The following PITPNC1 variants were observed in gnomAD, a reference collection of about 807,000 sequenced individuals.
The protein encoded by PITPNC1 is cytoplasmic phosphatidylinositol transfer protein 1.
Under a neutral mutation model 44.7 loss-of-function variants are expected in PITPNC1, and 18 were observed. The observed-to-expected ratio is 0.40, with a 90% CI of 0.28 to 0.60. The LOEUF is 0.60. PITPNC1 is among the 20% of genes least tolerant of loss of function. The probability of loss-of-function intolerance (pLI) is 0.39; values close to 1 mark genes in which losing one functional copy is unlikely to be tolerated. For missense variants in PITPNC1, 290 were observed against 418.4 expected (o/e 0.69, Z 2.68); for synonymous variants, 141 against 149.6 (o/e 0.94, Z 0.42).
chr17:67,425,157 G>C (rs2038728879), intron 1 of PITPNC1, among the ~76,000 whole-genome samples: 1 of 147,936 alleles, frequency 6.8e-6, no homozygotes, highest in Non-Finnish European at 1.5e-5. Context: ...CAGCCCGCCT[G>C]CACCCAGGTG....
At chr17:67,569,924 G>C (rs749932877) in intron 4 of PITPNC1, among the ~76,000 whole-genome samples, 12 of 152,318 alleles carry the variant, frequency 7.9e-5, no homozygotes, top group Middle Eastern at 3.4e-3. Flanking sequence ...GATTTTTCAT[G>C]AGAAAGAGGA....
At chr17:67,501,833 CAA>C (rs758538682) in intron 1 of PITPNC1, among the ~76,000 whole-genome samples, 9 of 135,146 alleles carry the variant, frequency 6.7e-5, no homozygotes, top group Non-Finnish European at 8.1e-5. Context: ...AACTCTGTCT[CAA>C]AAAAAAAAAA....
chr17:67,407,948 A>C (rs966710753), intron 1 of PITPNC1, among the ~76,000 whole-genome samples: 1 of 152,104 alleles, frequency 6.6e-6, no homozygotes, highest in South Asian at 2.1e-4. Flanking sequence ...CAAAAGGATC[A>C]TAAGTTTTAT....
intron 5 of PITPNC1, among the ~76,000 whole-genome samples, chr17:67,588,256 G>A (rs534736099): frequency 4.7e-4 from 71 of 152,156 alleles, no homozygotes; most frequent in African/African-American, 1.5e-3. Flanking sequence ...TGCCCACCTC[G>A]GCCTCCCAAA....
At chr17:67,450,889 C>G (rs533147994) in intron 1 of PITPNC1, among the ~76,000 whole-genome samples, 27 of 152,146 alleles carry the variant, frequency 1.8e-4, no homozygotes, top group Non-Finnish European at 3.4e-4. Context: ...CTCTGGTAAC[C>G]TTTATCCTAT....
intron 1 of PITPNC1, among the ~76,000 whole-genome samples, chr17:67,494,598 A>G (rs1022004580): frequency 3.3e-5 from 5 of 152,156 alleles, no homozygotes; most frequent in African/African-American, 1.2e-4. Context: ...GGTGGCCAGC[A>G]CATTCGGAGA....
chr17:67,564,637 G>A (rs368258766), intron 4 of PITPNC1, among the ~76,000 whole-genome samples: 17 of 152,202 alleles, frequency 1.1e-4, no homozygotes, highest in African/African-American at 1.7e-4. Context: ...TCAAGTTGAC[G>A]CCTAAAATTA....
At chr17:67,545,707 G>C (rs1337372757) in intron 2 of PITPNC1, among the ~76,000 whole-genome samples, 3 of 152,118 alleles carry the variant, frequency 2.0e-5, no homozygotes, top group Non-Finnish European at 4.4e-5. Flanking sequence ...AGCTGGTCAA[G>C]TTACTTGACT....
intron 4 of PITPNC1, among the ~76,000 whole-genome samples, chr17:67,574,267 T>C (rs1456735596): frequency 6.6e-6 from 1 of 152,216 alleles, no homozygotes; most frequent in Non-Finnish European, 1.5e-5. Context: ...GTCAGCTGGC[T>C]CTGATGTCTC....
rs188502323 is a variant in PITPNC1 at position 67,575,123 on chromosome 17, C to T, written c.295-3063C>T. 8.6e-5 allele frequency among the ~76,000 whole-genome samples: 13 copies of T among 152,018 alleles called. No homozygotes were observed. In the Middle Eastern group the frequency reaches 0.01, roughly 119 times the overall value. On this transcript the variant is annotated intron_variant, in intron 4 of 8. Coordinates refer to ENST00000581322, the MANE Select transcript of PITPNC1 (RefSeq NM_012417.4). ...CGAGACCCACACCCACGCTCCACAA[C>T]TCTGTACTCTCCCCACTCCTTGGTT...
intron 2 of PITPNC1, among the ~76,000 whole-genome samples, chr17:67,537,004 T>G (rs1258074806): frequency 6.6e-6 from 1 of 152,202 alleles, no homozygotes; most frequent in Non-Finnish European, 1.5e-5. Context: ...AAGACACTTA[T>G]AGGCCAATCT....
intron 1 of PITPNC1, among the ~76,000 whole-genome samples, chr17:67,424,892 C>A (rs1296088423): frequency 6.6e-6 from 1 of 151,928 alleles, no homozygotes; most frequent in Non-Finnish European, 1.5e-5. Context: ...TGAAGATCCA[C>A]AAAAGAAGTG....
Position 67,653,020 on chromosome 17 carries a change from G to A in PITPNC1, c.463-16488G>A, listed in dbSNP as rs115378775. On this transcript the variant is annotated intron_variant, in intron 6 of 8. Transcript: ENST00000581322. Reference sequence around the variant, plus strand: ...TTTGGAGCTGAGTGCAGTGGCTCACGCCTATGGTCCCAGCACTTTGGGAGG... The same window carrying A: ...TTTGGAGCTGAGTGCAGTGGCTCACACCTATGGTCCCAGCACTTTGGGAGG... Among the ~76,000 whole-genome samples, 420 of 152,310 alleles carry A rather than the reference G, an allele frequency of 2.8e-3. 2 individuals are homozygous for A. The highest frequency in any genetic ancestry group is 9.6e-3 in the African/African-American group (397 of 41,566).
At chr17:67,507,717 C>G (rs896407561) in intron 1 of PITPNC1, among the ~76,000 whole-genome samples, 2 of 142,888 alleles carry the variant, frequency 1.4e-5, no homozygotes, top group Admixed American at 1.4e-4. Flanking sequence ...AAGAGTAGAA[C>G]TGTGTTATTG....
At chr17:67,405,574 C>T (rs552278679) in intron 1 of PITPNC1, among the ~76,000 whole-genome samples, 4 of 151,896 alleles carry the variant, frequency 2.6e-5, no homozygotes, top group South Asian at 4.2e-4. Context: ...TAGAATGTTA[C>T]GAGTTTACTC....
intron 1 of PITPNC1, among the ~76,000 whole-genome samples, chr17:67,495,664 T>G (rs1470005534): frequency 1.3e-5 from 2 of 152,224 alleles, no homozygotes; most frequent in Non-Finnish European, 2.9e-5. Context: ...ATTAGTTTGC[T>G]AAGGATAATG....
intron 2 of PITPNC1, among the ~76,000 whole-genome samples, chr17:67,536,494 C>T (rs761466288): frequency 4.6e-5 from 7 of 151,942 alleles, no homozygotes; most frequent in Non-Finnish European, 8.8e-5. Flanking sequence ...CCCAAAGTGC[C>T]GGGATTACAG....
At chr17:67,598,651 A>G (rs2041491365) in intron 5 of PITPNC1, among the ~76,000 whole-genome samples, 1 of 152,138 alleles carries the variant, frequency 6.6e-6, no homozygotes, top group Admixed American at 6.6e-5. Flanking sequence ...GCACTTTGGG[A>G]GGCCAAGGCA....
intron 4 of PITPNC1, among the ~76,000 whole-genome samples, chr17:67,558,017 C>T (rs138152020): frequency 2.6e-5 from 4 of 152,266 alleles, no homozygotes; most frequent in East Asian, 1.9e-4. Flanking sequence ...TCTTGGAAAG[C>T]ATTAGTCCAG....
Sources: gnomAD v4.1 joint callset for allele counts (sites outside exome capture counted in the v4.1 genomes callset) on GRCh38, gnomAD v4.1.1 for gene constraint, MANE v1.5 for transcripts, NCBI Gene and HGNC (gene_info 2026-07-23, HGNC 2026-07-21) for gene names.